Variants in RAD54B observed in about 807,000 individuals in gnomAD.
The protein encoded by RAD54B is DNA repair and recombination protein RAD54B.
Under a neutral mutation model 95.8 loss-of-function variants are expected in RAD54B, and 78 were observed. That is an observed-to-expected ratio of 0.81 (90% CI 0.68 to 0.98). The LOEUF is 0.98. Among genes scored for constraint, RAD54B ranks in the 50% least tolerant of loss-of-function variants. The pLI, the probability that RAD54B is intolerant of heterozygous loss-of-function variation, is 0.00. For missense variants in RAD54B, 957 were observed against 1,056.6 expected (o/e 0.91, Z 1.31); for synonymous variants, 328 against 354.9 (o/e 0.92, Z 0.85).
At chr8:94,420,068 A>G (rs1375819357) in intron 3 of RAD54B, among the ~76,000 whole-genome samples, 1 of 152,140 alleles carries the variant, frequency 6.6e-6, no homozygotes, top group African/African-American at 2.4e-5. Flanking sequence ...GCTATACCAC[A>G]CAGCCTAGGT....
intron 8 of RAD54B, among the ~76,000 whole-genome samples, chr8:94,399,204 T>C (rs1335494504): frequency 6.6e-6 from 1 of 152,164 alleles, no homozygotes; most frequent in African/African-American, 2.4e-5. Context: ...TATCATTGTG[T>C]TTATTCCTAA....
intron 3 of RAD54B, chr8:94,429,392 CT>C (rs905896206): frequency 4.3e-5 from 36 of 832,626 alleles, no homozygotes; most frequent in South Asian, 1.1e-4. Flanking sequence ...GTATACTGCA[CT>C]TTTTTTTAAC....
At chr8:94,437,269 T>C (rs184718881) in intron 3 of RAD54B, among the ~76,000 whole-genome samples, 1 of 152,210 alleles carries the variant, frequency 6.6e-6, no homozygotes, top group Non-Finnish European at 1.5e-5. Context: ...CATTGCAGTA[T>C]CACTTTAATA....
chr8:94,474,063 A>G (rs1384393997), intron 1 of RAD54B, among the ~76,000 whole-genome samples: 2 of 152,230 alleles, frequency 1.3e-5, no homozygotes, highest in Non-Finnish European at 2.9e-5. Flanking sequence ...TGTCCTTTGC[A>G]GCAACATGGG....
intron 3 of RAD54B, among the ~76,000 whole-genome samples, chr8:94,438,180 T>C (rs926030708): frequency 6.6e-6 from 1 of 152,210 alleles, no homozygotes; most frequent in African/African-American, 2.4e-5. Context: ...AATTCTCAAT[T>C]ATCTTGTTTT....
intron 3 of RAD54B, among the ~76,000 whole-genome samples, chr8:94,451,234 A>G (rs1197150674): frequency 1.3e-5 from 2 of 152,138 alleles, no homozygotes; most frequent in Non-Finnish European, 2.9e-5. Context: ...ACGCTCAAAA[A>G]CTGATGGGGA....
At chr8:94,468,429 GC>G (rs1274384138) in intron 1 of RAD54B, among the ~76,000 whole-genome samples, 1 of 152,050 alleles carries the variant, frequency 6.6e-6, no homozygotes, top group Non-Finnish European at 1.5e-5. Context: ...GGTAAAAGGG[GC>G]CGGCGTGGTG....
intron 3 of RAD54B, chr8:94,430,310 CAAAAA>C (rs60634729): frequency 9.9e-5 from 86 of 868,570 alleles, no homozygotes; most frequent in Middle Eastern, 6.0e-4. Context: ...GACTCCATCT[CAAAAA>C]AAAAAAAAAA....
chr8:94,389,263 G>C (rs535637085), intron 10 of RAD54B, among the ~76,000 whole-genome samples: 1 of 152,306 alleles, frequency 6.6e-6, no homozygotes, highest in South Asian at 2.1e-4. Flanking sequence ...CAAGACGGGC[G>C]ATCTTAATGC....
chr8:94,418,901 C>T (rs747846982), intron 3 of RAD54B, among the ~76,000 whole-genome samples: 1 of 152,108 alleles, frequency 6.6e-6, no homozygotes, highest in East Asian at 1.9e-4. Context: ...TCTGTGAATT[C>T]ATCTTTATCA....
At chr8:94,390,557 A>C (rs1810993538) in intron 10 of RAD54B, among the ~76,000 whole-genome samples, 1 of 148,296 alleles carries the variant, frequency 6.7e-6, no homozygotes, top group African/African-American at 2.4e-5. Flanking sequence ...CTCCAGAATA[A>C]GATTATATAT....
intron 3 of RAD54B, among the ~76,000 whole-genome samples, chr8:94,445,299 A>T (rs956889620): frequency 2.6e-5 from 4 of 152,108 alleles, no homozygotes; most frequent in Admixed American, 1.3e-4. Context: ...CCTACCTCCT[A>T]ATATCACCAC....
chr8:94,433,697 A>G (rs1812180819), intron 3 of RAD54B, among the ~76,000 whole-genome samples: 1 of 151,852 alleles, frequency 6.6e-6, no homozygotes, highest in Non-Finnish European at 1.5e-5. Flanking sequence ...CTGCTCCTTG[A>G]GGTTGTTTTT....
intron 3 of RAD54B, among the ~76,000 whole-genome samples, chr8:94,457,626 T>C (rs118114649): frequency 0.013 from 1,908 of 152,318 alleles, 19 homozygotes; most frequent in Middle Eastern, 0.061. Context: ...GCTGGCTGAA[T>C]CTGTTCATTC....
rs544720776 is a variant in RAD54B, at chr8:94,386,106, G to C, written c.1985+878C>G. On this transcript the variant is annotated intron_variant, in intron 11 of 14. Coordinates refer to ENST00000336148, the MANE Select transcript of RAD54B (RefSeq NM_012415.3). ...GAGTATGTCAGGGGGCTGAAAGTAA[G>C]AGGGAAGTAGCTTATAAGAGATCAT... Among the ~76,000 whole-genome samples the C allele has an allele frequency of 1.5e-4, 23 of 152,298 alleles. No homozygotes were observed. In the South Asian group the frequency reaches 4.8e-3, roughly 32 times the overall value.
intron 3 of RAD54B, among the ~76,000 whole-genome samples, chr8:94,411,838 C>T (rs12541176): frequency 0.091 from 13,902 of 152,042 alleles, 1,162 homozygotes; most frequent in African/African-American, 0.21. Context: ...ATGGCTAAAT[C>T]AAACTAATTA....
chr8:94,467,479 T>A lies in RAD54B; in HGVS notation c.61A>T (p.Ile21Leu), dbSNP rs1343419905. 1.2e-6 allele frequency: 2 copies of A among 1,613,730 alleles called. No individual in the cohort carries two copies. Among genetic ancestry groups the A allele is most frequent in the Admixed American group, 3.3e-5 (2 of 59,992 alleles). ...QGNSFKKPKF[I>L]PPGRSNPGLN... ...CCTGGATTACTTCTTCCTGGAGGTATAAATTTTGGTTTTTTGAAGGAATTC... is the reference window on the plus strand; with the variant it reads ...CCTGGATTACTTCTTCCTGGAGGTAAAAATTTTGGTTTTTTGAAGGAATTC... Residue 21 changes from isoleucine to leucine, a missense_variant, in exon 2 of 15, where the codon ATA becomes TTA. Physicochemically the swap from Ile to Leu is conservative, Grantham distance 5. Transcript: ENST00000336148.
chr8:94,469,292 G>C (rs1194381002), intron 1 of RAD54B, among the ~76,000 whole-genome samples: 1 of 152,122 alleles, frequency 6.6e-6, no homozygotes, highest in Non-Finnish European at 1.5e-5. Flanking sequence ...CTATTCTCGT[G>C]GTAGTGACTA....
At chr8:94,416,380 G>A (rs574179513) in intron 3 of RAD54B, among the ~76,000 whole-genome samples, 1 of 151,984 alleles carries the variant, frequency 6.6e-6, no homozygotes, top group African/African-American at 2.4e-5. Flanking sequence ...GTGGGGCGAG[G>A]GGGGAGGGAT....
Sources: gnomAD v4.1 joint callset for allele counts (sites outside exome capture counted in the v4.1 genomes callset) on GRCh38, gnomAD v4.1.1 for gene constraint, MANE v1.5 for transcripts, NCBI Gene and HGNC (gene_info 2026-07-23, HGNC 2026-07-21) for gene names.